PCDHGA9: variants seen among roughly 807,000 people sequenced by gnomAD.
The protein encoded by PCDHGA9 is protocadherin gamma subfamily A, 9.
PCDHGA9 carries 37 observed loss-of-function variants against 62.5 expected under a neutral mutation model. That is an observed-to-expected ratio of 0.59 (90% confidence interval 0.46 to 0.78). The LOEUF (loss-of-function observed/expected upper bound fraction) is 0.78. Ranked by LOEUF, PCDHGA9 falls within the 30% of genes least tolerant of loss-of-function variation. The pLI is 0.00. For missense variants in PCDHGA9, 1,138 were observed against 1,166.2 expected (o/e 0.98, Z 0.35); for synonymous variants, 459 against 484.6 (o/e 0.95, Z 0.69).
chr5:141,466,812 G>A (rs1394979761), intron 1 of PCDHGA9, among the ~76,000 whole-genome samples: 3 of 151,940 alleles, frequency 2.0e-5, no homozygotes, highest in Non-Finnish European at 4.4e-5. Flanking sequence ...ATTCAGACAT[G>A]GTATAACAAG....
chr5:141,419,248 AAAC>A (rs1229992972), intron 1 of PCDHGA9: 1 of 1,613,980 alleles, frequency 6.2e-7, no homozygotes, highest in Admixed American at 1.7e-5. Context: ...ACGTGCCAGA[AAAC>A]AACCAGCCGG....
chr5:141,458,848 T>C (rs1044462303), intron 1 of PCDHGA9, among the ~76,000 whole-genome samples: 1 of 152,182 alleles, frequency 6.6e-6, no homozygotes, highest in Non-Finnish European at 1.5e-5. Flanking sequence ...TCCTCCCACC[T>C]CAGCCTTCCA....
intron 3 of PCDHGA9, among the ~76,000 whole-genome samples, chr5:141,507,817 G>C (rs1038461861): frequency 3.3e-5 from 5 of 152,206 alleles, no homozygotes; most frequent in Non-Finnish European, 5.9e-5. Context: ...AACGGACCCT[G>C]GGGGTGGAGG....
chr5:141,504,379 G>A lies in PCDHGA9; in HGVS notation c.2484-1014G>A, dbSNP rs181617363. On this transcript the variant is annotated intron_variant, in intron 2 of 3. Transcript: ENST00000573521. ...GCTTCAGTAGGAAGCAGGTGGAGTC[G>A]CTGCCTCACAGAAGCCAGTGTGGTG... Among the ~76,000 whole-genome samples the A allele has an allele frequency of 2.4e-3, 361 of 152,206 alleles. 1 individual carries two copies. The highest frequency in any genetic ancestry group is 0.021 in the Admixed American group (315 of 15,286).
At position 141,490,821 on chromosome 5, in the gene PCDHGA9, G is replaced by A. The variant is rs907584239; in HGVS notation, c.2425-3986G>A. On this transcript the variant is annotated intron_variant, in intron 1 of 3. Transcript: ENST00000573521. The surrounding 1 kb of genome is among the most constrained non-coding windows in gnomAD (Gnocchi z 5.4). ...AGCGTACCTTTGACTATGAATTGCT[G>A]CAGATGCTGCAGATTGTGGTGGGGG... 6.2e-7 allele frequency: 1 copy of A among 1,613,876 alleles called. No homozygotes were observed. Among genetic ancestry groups the A allele is most frequent in the Non-Finnish European group, 8.5e-7 (1 of 1,179,826 alleles).
At chr5:141,427,774 G>A (rs760144039) in intron 1 of PCDHGA9, 1 of 1,420,908 alleles carries the variant, frequency 7.0e-7, no homozygotes, top group Non-Finnish European at 9.8e-7. Context: ...TTGGAGCTGC[G>A]GGCACTGTCG....
intron 1 of PCDHGA9, among the ~76,000 whole-genome samples, chr5:141,406,933 T>C (rs1034700573): frequency 6.6e-6 from 1 of 152,218 alleles, no homozygotes; most frequent in African/African-American, 2.4e-5. Flanking sequence ...ATGTATTATT[T>C]AATGTTATTT....
chr5:141,459,300 A>T (rs954766370), intron 1 of PCDHGA9, among the ~76,000 whole-genome samples: 1 of 152,202 alleles, frequency 6.6e-6, no homozygotes, highest in Non-Finnish European at 1.5e-5. Flanking sequence ...ATCCTATAAC[A>T]TATACTATTT....
Position 141,404,978 on chromosome 5 carries a change from G to C in PCDHGA9, c.2026G>C (p.Gly676Arg). 6.2e-7 allele frequency: 1 copy of C among 1,613,976 alleles called. No homozygotes were observed. Among genetic ancestry groups the C allele is most frequent in the Non-Finnish European group, 8.5e-7 (1 of 1,179,886 alleles). The change falls in exon 1 of 4, where the codon GGC becomes CGC. Residue 676 changes from glycine (G) to arginine (R), a missense_variant. Transcript: ENST00000573521. ...DSIPDILADL[G>R]SLQIPADLEA... The stretch of plus-strand genomic sequence containing the variant: ...CATCCCAGACATCCTGGCTGACCTG[G>C]GCAGTCTTCAGATCCCTGCAGACCT...
intron 1 of PCDHGA9, among the ~76,000 whole-genome samples, chr5:141,438,591 C>CATATATAT (rs946798767): frequency 3.4e-4 from 26 of 75,528 alleles, no homozygotes; most frequent in Non-Finnish European, 5.4e-4. Flanking sequence ...TACATACATA[C>CATATATAT]ATATATATAT....
At position 141,423,462 on chromosome 5, in the gene PCDHGA9, C is replaced by A. The variant is rs371118964; in HGVS notation, c.2424+18086C>A. ...CCACGTCACATTTTGTAGGCGTGGA[C>A]GGGGTACAGGCTTTCCTGCAAACCT... On this transcript the variant is annotated intron_variant, in intron 1 of 3. Transcript: ENST00000573521. 8.1e-6 allele frequency: 13 copies of A among 1,613,808 alleles called. No homozygotes were observed. The African/African-American group carries it at 1.7e-4, about 22-fold the overall frequency.
chr5:141,501,335 C>CA (rs2099808433), intron 2 of PCDHGA9, among the ~76,000 whole-genome samples: 1 of 135,634 alleles, frequency 7.4e-6, no homozygotes, highest in Non-Finnish European at 1.6e-5. Context: ...ACACACACAC[C>CA]CCAAACTCAA....
At chr5:141,479,241 G>A (rs2099490987) in intron 1 of PCDHGA9, 1 of 152,174 alleles carries the variant, frequency 6.6e-6, no homozygotes, top group Non-Finnish European at 1.5e-5. Context: ...CAAACCCAAA[G>A]ATAACCATTT....
rs758181180 is a variant in PCDHGA9 at position 141,485,483 on chromosome 5, G to T, written c.2425-9324G>T. The T allele has an allele frequency of 1.9e-6, 3 of 1,614,106 alleles. No homozygotes were observed. The highest frequency in any genetic ancestry group is 2.5e-6 in the Non-Finnish European group (3 of 1,180,022). ...GTGTGGGCTCAGTGCCAGCTGCATC[G>T]TGCCCCTGGAGTTTGTCACCGAAGG... On this transcript the variant is annotated intron_variant, in intron 1 of 3. Coordinates refer to ENST00000573521, the MANE Select transcript of PCDHGA9 (RefSeq NM_018921.3). The surrounding 1 kb of genome is among the most constrained non-coding windows in gnomAD (Gnocchi z 5.7).
At chr5:141,410,058 T>C in intron 1 of PCDHGA9, 1 of 1,613,016 alleles carries the variant, frequency 6.2e-7, no homozygotes, top group Non-Finnish European at 8.5e-7. Context: ...CTCTTCAGCC[T>C]GGGGCTGCGC....
chr5:141,481,842 T>C (rs1402237517), intron 1 of PCDHGA9, among the ~76,000 whole-genome samples: 1 of 144,038 alleles, frequency 6.9e-6, no homozygotes, highest in Non-Finnish European at 1.5e-5. Flanking sequence ...AATCGCTTGA[T>C]GGTGGAGGTT....
At chr5:141,496,760 G>A (rs144857340) in intron 2 of PCDHGA9, among the ~76,000 whole-genome samples, 4 of 152,108 alleles carry the variant, frequency 2.6e-5, no homozygotes, top group East Asian at 1.9e-4. Context: ...AATATTTATC[G>A]AGCATCTACT....
intron 1 of PCDHGA9, chr5:141,423,309 G>T (rs1401836240): frequency 6.2e-7 from 1 of 1,614,176 alleles, no homozygotes; most frequent in South Asian, 1.1e-5. Context: ...CGCTGTACTT[G>T]GTGGTGGCGG....
At chr5:141,416,245 C>T (rs1029299377) in intron 1 of PCDHGA9, 1 of 152,234 alleles carries the variant, frequency 6.6e-6, no homozygotes, top group Non-Finnish European at 1.5e-5. Flanking sequence ...CTATTTATAA[C>T]TGATAACACT....
Sources: gnomAD v4.1 joint callset for allele counts (sites outside exome capture counted in the v4.1 genomes callset) on GRCh38, gnomAD v4.1.1 for gene constraint, Gnocchi (gnomAD v3.1) non-coding constraint, MANE v1.5 for transcripts, NCBI Gene and HGNC (gene_info 2026-07-23, HGNC 2026-07-21) for gene names.